UBE2V1: variants seen among roughly 807,000 people sequenced by gnomAD.
The protein encoded by UBE2V1 is ubiquitin-conjugating enzyme E2 variant 1.
A neutral mutation model predicts 19.6 loss-of-function variants in UBE2V1; 15 were observed. The ratio of observed to expected loss-of-function variants is 0.77; its 90% CI spans 0.51 to 1.18. The LOEUF is 1.18. Ranked by LOEUF, UBE2V1 falls within the 50% of genes most tolerant of loss-of-function variation. UBE2V1 has a pLI of 0.00. For synonymous variants in UBE2V1, 60 were observed against 60.7 expected (o/e 0.99, Z 0.05); for missense variants, 125 against 184.8 (o/e 0.68, Z 1.88).
At chr20:50,097,467 A>C (rs2079699124) in intron 1 of UBE2V1, among the ~76,000 whole-genome samples, 1 of 152,232 alleles carries the variant, frequency 6.6e-6, no homozygotes, top group Admixed American at 6.5e-5. Context: ...GCAACGCATG[A>C]AAACACCTCA....
chr20:50,107,310 G>C (rs2080451341), intron 1 of UBE2V1, among the ~76,000 whole-genome samples: 1 of 152,234 alleles, frequency 6.6e-6, no homozygotes, highest in Admixed American at 6.5e-5. Context: ...CCAGGACTCT[G>C]AGGTATACTA....
In UBE2V1 at chr20:50,099,296, G is replaced by C. The variant is rs930153931; in HGVS notation, c.23-2476C>G. On this transcript the variant is annotated intron_variant, in intron 1 of 3. Coordinates refer to ENST00000371674, the MANE Select transcript of UBE2V1 (RefSeq NM_001032288.3). ...ATGTGACAAAACCTGCTGACACCTTGATCTTGGGCTTCTGGTCTCTAGAGC... is the reference window on the plus strand; with the variant it reads ...ATGTGACAAAACCTGCTGACACCTTCATCTTGGGCTTCTGGTCTCTAGAGC... Among the ~76,000 whole-genome samples, 13 of 152,310 alleles carry C rather than the reference G, an allele frequency of 8.5e-5. No homozygotes were observed. In the East Asian group the frequency reaches 2.5e-3, roughly 29 times the overall value.
intron 1 of UBE2V1, among the ~76,000 whole-genome samples, chr20:50,097,504 A>C (rs536978355): frequency 6.6e-5 from 10 of 152,328 alleles, no homozygotes; most frequent in Non-Finnish European, 1.5e-4. Context: ...TACCGGGTTC[A>C]GGCTGAGGCT....
upstream of UBE2V1, chr20:50,115,588 C>T: frequency 6.6e-7 from 1 of 1,521,160 alleles, no homozygotes; most frequent in Non-Finnish European, 8.9e-7. Flanking sequence ...GTTTCCCCTT[C>T]TATGAGGATA....
upstream of UBE2V1, chr20:50,113,266 C>A (rs6125906): frequency 0.079 from 48,654 of 612,062 alleles, 2,155 homozygotes; most frequent in South Asian, 0.098. Context: ...GACCCGTGGC[C>A]TGGAAGGCTC....
intron 1 of UBE2V1, among the ~76,000 whole-genome samples, chr20:50,106,847 C>CCAT (rs1569016481): frequency 9.0e-6 from 1 of 110,734 alleles, no homozygotes; most frequent in Non-Finnish European, 1.8e-5. Context: ...AAACCAAAAA[C>CCAT]AACAACAACA....
At chr20:50,112,824 C>G (rs1489048459) in intron 1 of UBE2V1, among the ~76,000 whole-genome samples, 3 of 152,154 alleles carry the variant, frequency 2.0e-5, no homozygotes, top group African/African-American at 7.2e-5. Flanking sequence ...GCTCGCTCCT[C>G]GCCCACTCCG....
At chr20:50,115,727 C>A, upstream of UBE2V1, 1 of 935,350 alleles carries the variant, frequency 1.1e-6, no homozygotes, top group Non-Finnish European at 1.4e-6. Flanking sequence ...TTTTAATCCT[C>A]ACAACTCGAT....
intron 1 of UBE2V1, among the ~76,000 whole-genome samples, chr20:50,098,219 A>C (rs757646063): frequency 2.2e-4 from 34 of 152,224 alleles, no homozygotes; most frequent in Non-Finnish European, 4.4e-4. Flanking sequence ...TTTGAGACAG[A>C]GCAAACAAGT....
At chr20:50,094,132 AATTAT>A (rs1404078491) in intron 2 of UBE2V1, among the ~76,000 whole-genome samples, 1 of 137,182 alleles carries the variant, frequency 7.3e-6, no homozygotes, top group Non-Finnish European at 1.5e-5. Context: ...TATATATTAT[AATTAT>A]ATATCTTATA....
chr20:50,112,309 G>A (rs1333741157), intron 1 of UBE2V1, among the ~76,000 whole-genome samples: 1 of 152,080 alleles, frequency 6.6e-6, no homozygotes, highest in Admixed American at 6.5e-5. Flanking sequence ...CAATATCAGA[G>A]GCTTCCACCA....
At chr20:50,113,813 C>CCAAA (rs11469632), upstream of UBE2V1, among the ~76,000 whole-genome samples, 1 of 150,716 alleles carries the variant, frequency 6.6e-6, no homozygotes. Context: ...ATTCATTCAA[C>CCAAA]CAAACAAACA....
chr20:50,094,233 T>C lies in UBE2V1; in HGVS notation c.171+2439A>G, dbSNP rs13040143. Among the ~76,000 whole-genome samples the C allele has an allele frequency of 6.1e-3, 843 of 137,154 alleles. 21 individuals are homozygous for C. Among genetic ancestry groups the C allele is most frequent in the African/African-American group, 0.016 (591 of 36,704 alleles). 90.0% of individuals were successfully genotyped at this position (137,154 alleles called of 152,430 possible). Reference sequence around the variant, plus strand: ...AATATATAACATATGCATTATATAATATATAATGCATTATATAATATATAA... The same window carrying C: ...AATATATAACATATGCATTATATAACATATAATGCATTATATAATATATAA... On this transcript the variant is annotated intron_variant, in intron 2 of 3. Transcript: ENST00000371674.
Position 50,084,169 on chromosome 20 carries a change from G to T in UBE2V1, c.257C>A (p.Thr86Lys), listed in dbSNP as rs767804817. 1 of 1,607,908 alleles carries T rather than the reference G, an allele frequency of 6.2e-7. No individual in the cohort carries two copies. The highest frequency in any genetic ancestry group is 8.5e-7 in the Non-Finnish European group (1 of 1,178,186). ...PEAPPFVRFVTKINMNGVNSS... is the reference protein window; with the variant it reads ...PEAPPFVRFVKKINMNGVNSS... ...ATTTACTCCATTCATATTAATTTTT[G>T]TTACAAATCTTACAAAGGGGGGTGC... The change falls in exon 3 of 4, where the codon ACA (threonine) becomes AAA (lysine). Residue 86 changes from threonine to lysine, a missense_variant. Coordinates refer to ENST00000371674, the MANE Select transcript of UBE2V1 (RefSeq NM_001032288.3).
upstream of UBE2V1, chr20:50,115,556 G>A: frequency 6.3e-7 from 1 of 1,575,712 alleles, no homozygotes; most frequent in East Asian, 2.3e-5. Flanking sequence ...CAGGTAAGAC[G>A]CTTGAACCTC....
At chr20:50,100,556 G>A (rs955137011) in intron 1 of UBE2V1, among the ~76,000 whole-genome samples, 1 of 151,922 alleles carries the variant, frequency 6.6e-6, no homozygotes, top group Non-Finnish European at 1.5e-5. Flanking sequence ...CTGCACTCCA[G>A]CCTGAGTGAC....
chr20:50,112,159 G>A (rs904845267), intron 1 of UBE2V1, among the ~76,000 whole-genome samples: 2 of 152,142 alleles, frequency 1.3e-5, no homozygotes, highest in African/African-American at 4.8e-5. Flanking sequence ...AATTCAAAAA[G>A]AGGAGACTTT....
intron 2 of UBE2V1, chr20:50,095,657 AT>A (rs1362817448): frequency 6.6e-6 from 1 of 152,240 alleles, no homozygotes; most frequent in Admixed American, 6.5e-5. Context: ...CCTGCACACA[AT>A]CAAAAGAATG....
chr20:50,084,673 G>A (rs991354842), intron 2 of UBE2V1: 2 of 394,024 alleles, frequency 5.1e-6, no homozygotes, highest in Admixed American at 6.2e-5. Context: ...CACAGAACAG[G>A]TCACTGCTTT....
Sources: allele counts gnomAD v4.1 joint callset (sites outside exome capture counted in the v4.1 genomes callset), GRCh38; gene constraint gnomAD v4.1.1; transcripts MANE v1.5; gene names NCBI Gene and HGNC (gene_info 2026-07-23, HGNC 2026-07-21).